The following REV3L variants were observed in gnomAD, a reference collection of about 807,000 sequenced individuals.
REV3L encodes the protein DNA polymerase zeta catalytic subunit.
REV3L carries 69 observed loss-of-function variants against 299.4 expected under a neutral mutation model. The observed-to-expected ratio is 0.23, with a 90% CI of 0.19 to 0.28. The LOEUF is 0.28. Among genes scored for constraint, REV3L ranks in the 10% least tolerant of loss-of-function variants. REV3L has a pLI of 1.00. For synonymous variants in REV3L, 1,238 were observed against 1,271.4 expected (o/e 0.97, Z 0.56); for missense variants, 3,128 against 3,693.8 (o/e 0.85, Z 3.97).
At chr6:111,479,888 T>C (rs1224048487) in intron 1 of REV3L, among the ~76,000 whole-genome samples, 8 of 152,224 alleles carry the variant, frequency 5.3e-5, no homozygotes, top group Admixed American at 5.2e-4. Context: ...CCCAAAACAC[T>C]TTATTTCTTA....
intron 17 of REV3L, among the ~76,000 whole-genome samples, chr6:111,357,619 G>C (rs1778226820): frequency 6.6e-6 from 1 of 152,112 alleles, no homozygotes; most frequent in Non-Finnish European, 1.5e-5. Context: ...CGTGAATCCG[G>C]GAGGCAGAGC....
rs1775647654 is a variant in REV3L, at chr6:111,333,869, CAT to C, written c.7681-504_7681-503del. On this transcript the variant is annotated intron_variant, in intron 22 of 31. Coordinates refer to ENST00000368802, the MANE Select transcript of REV3L (RefSeq NM_001372078.1). ...TACGACTTTTATAAAAACTATAAAA[CAT>C]GTCAAATAACTTAAAAGATAAGTCA... Among the ~76,000 whole-genome samples the C allele has an allele frequency of 2.0e-5, 3 of 152,318 alleles. No homozygotes were observed. The South Asian group carries it at 6.2e-4, about 32-fold the overall frequency.
At chr6:111,438,806 C>A (rs865829303) in intron 1 of REV3L, among the ~76,000 whole-genome samples, 31 of 152,170 alleles carry the variant, frequency 2.0e-4, no homozygotes, top group Middle Eastern at 3.4e-3. Context: ...CTGAATAAGG[C>A]AAAATGATAA....
At chr6:111,401,197 T>C (rs929635679) in intron 4 of REV3L, among the ~76,000 whole-genome samples, 3 of 152,188 alleles carry the variant, frequency 2.0e-5, no homozygotes, top group East Asian at 3.8e-4. Context: ...ATGAACTCCC[T>C]AAACCTCAAC....
intron 11 of REV3L, among the ~76,000 whole-genome samples, chr6:111,379,126 T>G (rs925836599): frequency 6.6e-6 from 1 of 152,330 alleles, no homozygotes; most frequent in Admixed American, 6.5e-5. Context: ...AAACATAAAT[T>G]TAATCATAGG....
At chr6:111,306,093 G>C (rs1009642213) in intron 31 of REV3L, among the ~76,000 whole-genome samples, 1 of 152,176 alleles carries the variant, frequency 6.6e-6, no homozygotes, top group African/African-American at 2.4e-5. Context: ...CAAAGAACTG[G>C]GCCTCTGTCC....
intron 1 of REV3L, chr6:111,431,687 C>T: frequency 3.1e-6 from 3 of 953,930 alleles, no homozygotes; most frequent in Non-Finnish European, 5.1e-6. Context: ...ATTTCCATTC[C>T]TTCCCCCGTC....
At chr6:111,409,976 C>T (rs1236686343) in intron 3 of REV3L, among the ~76,000 whole-genome samples, 4 of 152,186 alleles carry the variant, frequency 2.6e-5, no homozygotes, top group African/African-American at 9.7e-5. Context: ...GCACACTTTG[C>T]TCACCATGTC....
intron 1 of REV3L, among the ~76,000 whole-genome samples, chr6:111,465,764 A>AAC (rs1318130289): frequency 9.9e-5 from 15 of 151,374 alleles, no homozygotes; most frequent in African/African-American, 3.4e-4. Flanking sequence ...AAAAAAAAAA[A>AAC]AACTTTGTTT....
intron 1 of REV3L, among the ~76,000 whole-genome samples, chr6:111,417,738 A>C (rs1472832666): frequency 6.6e-6 from 1 of 152,208 alleles, no homozygotes; most frequent in Non-Finnish European, 1.5e-5. Context: ...TTTAAGGTAC[A>C]CTTACGACAG....
chr6:111,411,501 T>C lies in REV3L; in HGVS notation c.383A>G (p.Tyr128Cys), dbSNP rs1582888922. Residue 128 changes from tyrosine (Y) to cysteine (C), a missense_variant, in exon 3 of 32, where the codon TAC becomes TGC. Physicochemically the swap from Tyr to Cys is radical, Grantham distance 194. Around this residue, in one of 9 missense-constraint regions of REV3L, gnomAD observed 2,409 missense variants for 2,611.8 expected, o/e 0.92. Transcript: ENST00000368802. ...GTACCTTTTCACCATTGTAGGATTG[T>C]AAAGATAGATCTTCATAAAGTGTCT... ...KERHFMKIYL[Y>C]NPTMVKRICE... is the part of the protein sequence containing the mutation. 9 of 1,587,776 alleles carry C rather than the reference T, an allele frequency of 5.7e-6. No individual in the cohort carries two copies. The East Asian group carries it at 1.8e-4, about 32-fold the overall frequency.
chr6:111,352,283 T>C (rs1363206729), intron 18 of REV3L, among the ~76,000 whole-genome samples: 2 of 152,108 alleles, frequency 1.3e-5, no homozygotes, highest in African/African-American at 2.4e-5. Context: ...GCTGGGATTA[T>C]AGGCGATTTG....
intron 1 of REV3L, among the ~76,000 whole-genome samples, chr6:111,424,018 C>T (rs894552722): frequency 5.9e-5 from 9 of 152,058 alleles, no homozygotes; most frequent in Admixed American, 5.2e-4. Flanking sequence ...GACAGATTTG[C>T]CAGTATGAGC....
chr6:111,443,065 T>C (rs9487645), intron 1 of REV3L, among the ~76,000 whole-genome samples: 102,553 of 151,804 alleles, frequency 0.68, 36,860 homozygotes, highest in Non-Finnish European at 0.82. Flanking sequence ...AGTCCTTTTA[T>C]TTGAATTTGA....
At chr6:111,393,578 A>C (rs1026304988) in intron 4 of REV3L, among the ~76,000 whole-genome samples, 3 of 152,212 alleles carry the variant, frequency 2.0e-5, no homozygotes, top group Non-Finnish European at 4.4e-5. Flanking sequence ...CCTGTATGCT[A>C]TCAAACACTA....
intron 16 of REV3L, 123 bp downstream of exon 16, chr6:111,363,730 A>C: frequency 2.3e-6 from 2 of 859,356 alleles, no homozygotes; most frequent in South Asian, 2.4e-5. Flanking sequence ...GAACAAGATG[A>C]AGATTAATAG....
rs780640158 is a variant in REV3L at position 111,376,707 on chromosome 6, T to C, written c.1648A>G (p.Thr550Ala). ...NSRTHSSVIA[T>A]SKLSVKPSIF... ...GAGGGTTTAACTGAAAGCTTGCTTGTTGCAATTACAGAAGAGTGGGTTCTA... is the reference window on the plus strand; with the variant it reads ...GAGGGTTTAACTGAAAGCTTGCTTGCTGCAATTACAGAAGAGTGGGTTCTA... Residue 550 changes from threonine to alanine, a missense_variant, in exon 13 of 32, where the codon ACA becomes GCA. This residue lies in a region of REV3L where 2,409 missense variants were observed against 2,611.8 expected (regional missense o/e 0.92). Coordinates refer to ENST00000368802, the MANE Select transcript of REV3L (RefSeq NM_001372078.1). The C allele has an allele frequency of 3.4e-5, 55 of 1,604,044 alleles. No homozygotes were observed. Among genetic ancestry groups the C allele is most frequent in the African/African-American group, 5.3e-5 (4 of 74,834 alleles).
intron 24 of REV3L, chr6:111,330,454 T>C (rs957147729): frequency 1.8e-5 from 6 of 333,032 alleles, no homozygotes; most frequent in African/African-American, 1.1e-4. Flanking sequence ...TTGATGATGA[T>C]TCACAGACAC....
chr6:111,381,454 A>G lies in REV3L; in HGVS notation c.1097-10T>C, dbSNP rs779438047. 3.8e-6 allele frequency: 6 copies of G among 1,591,172 alleles called. No individual in the cohort carries two copies. The East Asian group carries it at 9.0e-5, about 24-fold the overall frequency. On this transcript the variant is annotated splice_polypyrimidine_tract_variant and intron_variant, in intron 9 of 31. Coordinates refer to ENST00000368802, the MANE Select transcript of REV3L (RefSeq NM_001372078.1). Reference sequence around the variant, plus strand: ...TTGTGTCTAGTGTGACCTTAATTTGACAAAGAATAAAAAAAATTGAAGCAA... The same window carrying G: ...TTGTGTCTAGTGTGACCTTAATTTGGCAAAGAATAAAAAAAATTGAAGCAA...
Sources: allele counts gnomAD v4.1 joint callset (sites outside exome capture counted in the v4.1 genomes callset), GRCh38; gene constraint gnomAD v4.1.1; regional missense constraint gnomAD v4.1.1; transcripts MANE v1.5; gene names NCBI Gene and HGNC (gene_info 2026-07-23, HGNC 2026-07-21).